The following FAM111A variants were observed in gnomAD, a reference collection of about 807,000 sequenced individuals.
FAM111A encodes serine protease FAM111A.
Under a neutral mutation model 3.3 loss-of-function variants are expected in FAM111A, and 8 were observed. That is an observed-to-expected ratio of 2.39 (90% CI 1.40 to 4.32). The LOEUF (loss-of-function observed/expected upper bound fraction) is 4.32. Ranked by LOEUF, FAM111A falls within the 30% of genes most tolerant of loss-of-function variation. The probability of loss-of-function intolerance (pLI) is 0.00; values close to 1 mark genes in which losing one functional copy is unlikely to be tolerated. For missense variants in FAM111A, 683 were observed against 727.6 expected, an observed-to-expected ratio of 0.94 and a Z score of 0.71; for synonymous variants, 227 against 243.1, an observed-to-expected ratio of 0.93 and a Z score of 0.62.
intron 4 of FAM111A, among the ~76,000 whole-genome samples, chr11:59,147,018 A>G (rs1276435061): frequency 6.6e-6 from 1 of 152,154 alleles, no homozygotes; most frequent in Non-Finnish European, 1.5e-5. Context: ...TAAATCATCT[A>G]GTAAAATAAA....
chr11:59,148,882 A>C lies in FAM111A; in HGVS notation c.10A>C (p.Lys4Gln), dbSNP rs772579967. The C allele has an allele frequency of 2.5e-6, 4 of 1,613,552 alleles. No individual in the cohort carries two copies. Among genetic ancestry groups the C allele is most frequent in the Non-Finnish European group, 3.4e-6 (4 of 1,179,478 alleles). The change falls in exon 5 of 6, where the codon AAG (lysine) becomes CAG (glutamine). Residue 4 changes from lysine (K) to glutamine (Q), a missense_variant. Lys to Gln is a moderately conservative substitution (Grantham distance 53, BLOSUM62 1). This residue lies in a region of FAM111A where 557 missense variants were observed against 600.2 expected (regional missense o/e 0.93). Coordinates refer to ENST00000675163, the MANE Select transcript of FAM111A (RefSeq NM_001312909.2). ...TCATCTTCAAGCCATCATGAGCTGT[A>C]AGAAGCAGAGGTCACGGAAGCACTC... MSCKKQRSRKHSVN... is the reference protein window; with the variant it reads MSCQKQRSRKHSVN...
rs143822736 is a variant in FAM111A at position 59,154,333 on chromosome 11, A to C, written c.*829A>C. 9 of 152,344 alleles carry C rather than the reference A, an allele frequency of 5.9e-5. No homozygotes were observed. The highest frequency in any genetic ancestry group is 1.3e-4 in the Non-Finnish European group (9 of 68,020). 9.4% of individuals were successfully genotyped at this position (152,344 alleles called of 1,614,324 possible). ...TTAGAATTTCCAAAATCTTCATATT[A>C]CTGAAACTGTCGGAATATATGGGTC... On this transcript the variant is annotated 3_prime_UTR_variant, in exon 6 of 6. Coordinates refer to ENST00000675163, the MANE Select transcript of FAM111A (RefSeq NM_001312909.2).
intron 5 of FAM111A, 120 bp downstream of exon 5, chr11:59,149,073 G>T (rs751507334): frequency 1.6e-5 from 11 of 689,214 alleles, no homozygotes; most frequent in Non-Finnish European, 2.9e-5. Flanking sequence ...ACATAACATG[G>T]CATAGTATTG....
At chr11:59,147,631 A>G (rs1590931423) in intron 4 of FAM111A, among the ~76,000 whole-genome samples, 1 of 152,178 alleles carries the variant, frequency 6.6e-6, no homozygotes, top group Non-Finnish European at 1.5e-5. Flanking sequence ...GCATGAATGG[A>G]TAAAGACCCC....
In FAM111A at chr11:59,153,545, T is replaced by G; in HGVS notation, c.*41T>G. 6.9e-7 allele frequency: 1 copy of G among 1,445,874 alleles called. No individual in the cohort carries two copies. Among genetic ancestry groups the G allele is most frequent in the Admixed American group, 2.2e-5 (1 of 45,798 alleles). The allele number at this position is 1,445,874 out of a possible 1,614,324, so 89.6% of individuals were successfully genotyped here. A position where few individuals can be genotyped will look rare whatever the true frequency, so the allele number is the denominator to read the frequency against. The stretch of plus-strand genomic sequence containing the variant: ...GATTTAAGGGAATGGCTTATGGAGT[T>G]GTTATTTCATAGGCATTGAAAATGG... On this transcript the variant is annotated 3_prime_UTR_variant, in exon 6 of 6. Coordinates refer to ENST00000675163, the MANE Select transcript of FAM111A (RefSeq NM_001312909.2).
chr11:59,154,363 A>T lies in FAM111A; in HGVS notation c.*859A>T, dbSNP rs1862077756. 1 of 152,216 alleles carries T rather than the reference A, an allele frequency of 6.6e-6. No homozygotes were observed. The highest frequency in any genetic ancestry group is 2.1e-4 in the South Asian group (1 of 4,832). 9.4% of individuals were successfully genotyped at this position (152,216 alleles called of 1,614,324 possible). On this transcript the variant is annotated 3_prime_UTR_variant, in exon 6 of 6. Coordinates refer to ENST00000675163, the MANE Select transcript of FAM111A (RefSeq NM_001312909.2). ...AACTGTCGGAATATATGGGTCTTGA[A>T]ATTCAGAAGATGATAGTCACTCTTC... is the stretch of plus-strand genomic sequence containing the variant.
At position 59,152,064 on chromosome 11, in the gene FAM111A, A is replaced by G; in HGVS notation, c.396A>G (p.Glu132=). 6.2e-7 allele frequency: 1 copy of G among 1,614,226 alleles called. No individual in the cohort carries two copies. Among genetic ancestry groups the G allele is most frequent in the Non-Finnish European group, 8.5e-7 (1 of 1,180,040 alleles). ...QGQEMLVRGT[E]GIKEYINLGM... The stretch of plus-strand genomic sequence containing the variant: ...AAGAAATGCTTGTGCGTGGCACAGA[A>G]GGAATCAAAGAGTACATAAACCTTG... Residue 132 remains glutamate, a synonymous_variant, in exon 6 of 6, where the codon GAA becomes GAG. Transcript: ENST00000675163.
At chr11:59,146,609 C>G (rs929218859) in intron 4 of FAM111A, among the ~76,000 whole-genome samples, 1 of 152,188 alleles carries the variant, frequency 6.6e-6, no homozygotes, top group African/African-American at 2.4e-5. Flanking sequence ...AATTGAGGCT[C>G]AGAAAGGCTA....
Position 59,153,481 on chromosome 11 carries a change from A to G in FAM111A, c.1813A>G (p.Met605Val). The G allele has an allele frequency of 6.2e-7, 1 of 1,608,506 alleles. No individual in the cohort carries two copies. The highest frequency in any genetic ancestry group is 8.5e-7 in the Non-Finnish European group (1 of 1,177,364). The change falls in exon 6 of 6, where the codon ATG (methionine) becomes GTG (valine). Residue 605 changes from methionine (M) to valine (V), a missense_variant. This residue lies in a region of FAM111A where 122 missense variants were observed against 110.9 expected (regional missense o/e 1.10). Transcript: ENST00000675163. Reference sequence around the variant, plus strand: ...ATTTGTAAATCAGCAGGATGTAGAAATGATGAGTGATGAGGACTTGTGAGA... The same window carrying G: ...ATTTGTAAATCAGCAGGATGTAGAAGTGATGAGTGATGAGGACTTGTGAGA... ...EVFVNQQDVE[M>V]MSDEDL
intron 4 of FAM111A, among the ~76,000 whole-genome samples, chr11:59,147,358 A>G (rs181782599): frequency 2.2e-4 from 34 of 152,338 alleles, no homozygotes; most frequent in Admixed American, 2.0e-3. Context: ...AAGAGAACAG[A>G]TAAGTTGTCT....
chr11:59,153,127 G>C lies in FAM111A; in HGVS notation c.1459G>C (p.Val487Leu). 1 of 1,614,198 alleles carries C rather than the reference G, an allele frequency of 6.2e-7. No individual in the cohort carries two copies. The highest frequency in any genetic ancestry group is 8.5e-7 in the Non-Finnish European group (1 of 1,180,032). ...GEKKQIDACA[V>L]IPQGQRAKKC... Reference sequence around the variant, plus strand: ...AAAAAAGCAGATTGATGCTTGTGCTGTGATCCCTCAGGGTCAGCGAGCAAA... The same window carrying C: ...AAAAAAGCAGATTGATGCTTGTGCTCTGATCCCTCAGGGTCAGCGAGCAAA... The change falls in exon 6 of 6, where the codon GTG becomes CTG. Residue 487 changes from valine (V) to leucine (L), a missense_variant. Coordinates refer to ENST00000675163, the MANE Select transcript of FAM111A (RefSeq NM_001312909.2).
intron 5 of FAM111A, among the ~76,000 whole-genome samples, chr11:59,151,262 A>G (rs372248639): frequency 6.6e-6 from 1 of 151,948 alleles, no homozygotes; most frequent in Admixed American, 6.6e-5. Flanking sequence ...GCATTTCTCC[A>G]GCCTCAGCCT....
rs755606746 is a variant in FAM111A at position 59,152,806 on chromosome 11, A to G, written c.1138A>G (p.Ile380Val). The G allele has an allele frequency of 1.6e-5, 26 of 1,614,090 alleles. No individual in the cohort carries two copies. The highest frequency in any genetic ancestry group is 2.2e-5 in the Non-Finnish European group (26 of 1,180,028). ...ATCFVFKGLF[I>V]LTCRHVIDSI... Reference sequence around the variant, plus strand: ...CTGCTTTGTTTTTAAAGGATTGTTCATTTTAACTTGTCGGCATGTAATAGA... The same window carrying G: ...CTGCTTTGTTTTTAAAGGATTGTTCGTTTTAACTTGTCGGCATGTAATAGA... The change falls in exon 6 of 6, where the codon ATT becomes GTT. Residue 380 changes from isoleucine (I) to valine (V), a missense_variant. Coordinates refer to ENST00000675163, the MANE Select transcript of FAM111A (RefSeq NM_001312909.2).
intron 4 of FAM111A, among the ~76,000 whole-genome samples, chr11:59,147,215 G>T (rs140616306): frequency 2.0e-5 from 3 of 152,256 alleles, no homozygotes; most frequent in African/African-American, 7.2e-5. Context: ...TATGTTAAGG[G>T]CATGGGGAAG....
rs1315653324 is a variant in FAM111A at position 59,153,452 on chromosome 11, A to T, written c.1784A>T (p.Glu595Val). ...CAAAGACATAAACCATGGTATGAAGAAGTATTTGTAAATCAGCAGGATGTA... is the reference window on the plus strand; with the variant it reads ...CAAAGACATAAACCATGGTATGAAGTAGTATTTGTAAATCAGCAGGATGTA... ...IKQRHKPWYE[E>V]VFVNQQDVEM... Residue 595 changes from glutamate to valine, a missense_variant, in exon 6 of 6, where the codon GAA becomes GTA. Physicochemically the swap from Glu to Val is moderately radical, Grantham distance 121. Coordinates refer to ENST00000675163, the MANE Select transcript of FAM111A (RefSeq NM_001312909.2). 6.2e-7 allele frequency: 1 copy of T among 1,612,850 alleles called. No individual in the cohort carries two copies. Among genetic ancestry groups the T allele is most frequent in the East Asian group, 2.2e-5 (1 of 44,904 alleles).
Position 59,151,776 on chromosome 11 carries a change from C to T in FAM111A, c.108C>T (p.Cys36=). ...SPVSKEQQNN[C]STSLMRMESR... Reference sequence around the variant, plus strand: ...TCTCTAAAGAGCAACAGAATAATTGCAGTACTTCTCTAATGAGGATGGAGT... The same window carrying T: ...TCTCTAAAGAGCAACAGAATAATTGTAGTACTTCTCTAATGAGGATGGAGT... Residue 36 remains cysteine (C), a synonymous_variant, in exon 6 of 6, where the codon TGC becomes TGT. Transcript: ENST00000675163. 1 of 1,594,630 alleles carries T rather than the reference C, an allele frequency of 6.3e-7. No individual in the cohort carries two copies. The highest frequency in any genetic ancestry group is 8.5e-7 in the Non-Finnish European group (1 of 1,174,692).
chr11:59,150,803 T>G (rs1404583108), intron 5 of FAM111A, among the ~76,000 whole-genome samples: 1 of 152,136 alleles, frequency 6.6e-6, no homozygotes, highest in African/African-American at 2.4e-5. Flanking sequence ...TTTCTGTGCC[T>G]TAGTTTCTCC....
intron 4 of FAM111A, among the ~76,000 whole-genome samples, chr11:59,146,658 A>G (rs951523096): frequency 1.3e-5 from 2 of 152,244 alleles, no homozygotes; most frequent in African/African-American, 4.8e-5. Flanking sequence ...GTAAACTAGA[A>G]AGCCAGGACT....
Position 59,153,927 on chromosome 11 carries a change from C to G in FAM111A, c.*423C>G, listed in dbSNP as rs963163850. 1 of 150,508 alleles carries G rather than the reference C, an allele frequency of 6.6e-6. No individual in the cohort carries two copies. The highest frequency in any genetic ancestry group is 1.5e-5 in the Non-Finnish European group (1 of 68,234). The allele number at this position is 150,508 out of a possible 1,614,324, so 9.3% of individuals were successfully genotyped here. A position where few individuals can be genotyped will look rare whatever the true frequency, so the allele number is the denominator to read the frequency against. ...ACAGGGTTTCACCATGTTGGTCAGG[C>G]GGGTCTCGAACTCCTGACCTCGTGA... On this transcript the variant is annotated 3_prime_UTR_variant, in exon 6 of 6. Coordinates refer to ENST00000675163, the MANE Select transcript of FAM111A (RefSeq NM_001312909.2).
Sources: gnomAD v4.1 joint callset for allele counts (sites outside exome capture counted in the v4.1 genomes callset) on GRCh38, gnomAD v4.1.1 for gene constraint, gnomAD v4.1.1 regional missense constraint, MANE v1.5 for transcripts, NCBI Gene and HGNC (gene_info 2026-07-23, HGNC 2026-07-21) for gene names.